The following MYH2 variants were observed in gnomAD, a reference collection of about 807,000 sequenced individuals.
MYH2 encodes myosin heavy chain 2, also known as myosin-2.
In MYH2, 139 loss-of-function variants were observed where a neutral mutation model predicts 228.1. That is an observed-to-expected ratio of 0.61 (90% CI 0.53 to 0.70). The LOEUF (loss-of-function observed/expected upper bound fraction) is 0.70. Ranked by LOEUF, MYH2 falls within the 30% of genes least tolerant of loss-of-function variation. The pLI is 0.00. For synonymous variants in MYH2, 796 were observed against 871.1 expected, an observed-to-expected ratio of 0.91 and a Z score of 1.52; for missense variants, 1,809 against 2,357.5, an observed-to-expected ratio of 0.77 and a Z score of 4.82.
chr17:10,539,822 T>C, intron 12 of MYH2, 106 bp downstream of exon 12: 1 of 1,510,640 alleles, frequency 6.6e-7, no homozygotes, highest in South Asian at 1.1e-5. Context: ...CTTTAAAACT[T>C]AATTCTTAAA....
Position 10,539,578 on chromosome 17 carries a change from A to G in MYH2, c.1148-16T>C. ...TTGTCAGCAACTAAAAAGAAGAAAG[A>G]GTAGAACAATGTTATTGTGGCCCAA... On this transcript the variant is annotated splice_polypyrimidine_tract_variant and intron_variant, in intron 12 of 39. Coordinates refer to ENST00000245503, the MANE Select transcript of MYH2 (RefSeq NM_017534.6). The G allele has an allele frequency of 2.5e-6, 4 of 1,600,676 alleles. No homozygotes were observed. The highest frequency in any genetic ancestry group is 3.4e-6 in the Non-Finnish European group (4 of 1,167,866).
intron 12 of MYH2, 40 bp from the exon 13 acceptor site, chr17:10,539,602 A>G: frequency 6.4e-7 from 1 of 1,552,764 alleles, no homozygotes; most frequent in South Asian, 1.1e-5. Context: ...ATTGTGGCCC[A>G]AAGAAACCCA....
intron 21 of MYH2, 82 bp from the exon 22 acceptor site, chr17:10,531,970 C>T (rs1385397169): frequency 6.5e-7 from 1 of 1,543,828 alleles, no homozygotes; most frequent in East Asian, 2.2e-5. Context: ...GGAGGTTCTG[C>T]TTCACCTTGT....
chr17:10,535,339 G>A lies in MYH2; in HGVS notation c.2001C>T (p.Asn667=), dbSNP rs1177937326. 5 of 1,614,054 alleles carry A rather than the reference G, an allele frequency of 3.1e-6. No individual in the cohort carries two copies. Among genetic ancestry groups the A allele is most frequent in the African/African-American group, 1.3e-5 (1 of 74,922 alleles). ...CAAAGTGAGGATGGGTACTCCTGAG[G>A]TTGGTCATCAGCTTGTTCAAATTCT... The part of the protein sequence containing the change: ...FRENLNKLMT[N]LRSTHPHFVR... The change falls in exon 18 of 40, where the codon AAC becomes AAT. Residue 667 remains asparagine, a synonymous_variant. Coordinates refer to ENST00000245503, the MANE Select transcript of MYH2 (RefSeq NM_017534.6).
rs2073346926 is a variant in MYH2 at position 10,525,920 on chromosome 17, T to C, written c.4188-44A>G. ...TTTCAGAGAGAAGTGAACCATAATA[T>C]GAATTATGAGCTATTGCCACACACG... On this transcript the variant is annotated intron_variant, in intron 30 of 39. Transcript: ENST00000245503. The surrounding 1 kb of genome is among the most constrained non-coding windows in gnomAD (Gnocchi z 4.2). 2.5e-6 allele frequency: 4 copies of C among 1,593,260 alleles called. No homozygotes were observed. Among genetic ancestry groups the C allele is most frequent in the Non-Finnish European group, 3.4e-6 (4 of 1,162,562 alleles).
chr17:10,534,527 T>C (rs1316379605), intron 19 of MYH2, among the ~76,000 whole-genome samples: 1 of 152,248 alleles, frequency 6.6e-6, no homozygotes, highest in Non-Finnish European at 1.5e-5. Flanking sequence ...TTAATTATTA[T>C]TGGAGTTAAC....
intron 19 of MYH2, 147 bp from the exon 20 acceptor site, chr17:10,533,779 A>G (rs2073452274): frequency 1.1e-5 from 13 of 1,176,398 alleles, no homozygotes; most frequent in South Asian, 4.5e-5. Flanking sequence ...TGAATGGTCA[A>G]CCCTTTGGCA....
chr17:10,539,163 G>T (rs749075804), intron 14 of MYH2, 42 bp downstream of exon 14: 1 of 1,613,436 alleles, frequency 6.2e-7, no homozygotes, highest in Admixed American at 1.7e-5. Flanking sequence ...TATTTCCATT[G>T]CCTTACTGTA....
intron 10 of MYH2, among the ~76,000 whole-genome samples, chr17:10,541,067 C>G (rs2073547271): frequency 6.6e-6 from 1 of 152,066 alleles, no homozygotes; most frequent in African/African-American, 2.4e-5. Context: ...GCCTCAGGAC[C>G]CTGTGATGAC....
In MYH2 at chr17:10,526,754, G is replaced by A. The variant is rs1042074; in HGVS notation, c.4032C>T (p.His1344=). Residue 1344 remains histidine, a synonymous_variant, in exon 30 of 40, where the codon CAC becomes CAT. Transcript: ENST00000245503. ...ACTGTTCCCGCAGCAGGTCACAGTCGTGGCGGGAAGACTGCAGGGCATGCG... is the reference window on the plus strand; with the variant it reads ...ACTGTTCCCGCAGCAGGTCACAGTCATGGCGGGAAGACTGCAGGGCATGCG... The part of the protein sequence containing the change: ...ALAHALQSSR[H]DCDLLREQYE... 5.0e-5 allele frequency: 80 copies of A among 1,614,096 alleles called. No homozygotes were observed. Among genetic ancestry groups the A allele is most frequent in the Middle Eastern group, 1.6e-4 (1 of 6,084 alleles).
chr17:10,533,479 T>C (rs1447092569), intron 20 of MYH2, 30 bp downstream of exon 20: 2 of 1,614,176 alleles, frequency 1.2e-6, no homozygotes, highest in Non-Finnish European at 1.7e-6. Context: ...GGGACAGGAA[T>C]AGCATCAGGT....
Position 10,533,371 on chromosome 17 carries a change from G to T in MYH2, c.2355C>A (p.Asp785Glu), listed in dbSNP as rs1392938142. The T allele has an allele frequency of 6.2e-7, 1 of 1,614,204 alleles. No individual in the cohort carries two copies. The highest frequency in any genetic ancestry group is 1.7e-5 in the Admixed American group (1 of 60,028). ...LLGLLEEMRD[D>E]KLAQLITRTQ... ...TTCGGGTAATCAGCTGGGCCAGCTT[G>T]TCATCTCGCATCTCCTCTAGGAGCC... is the stretch of plus-strand genomic sequence containing the variant. Residue 785 changes from aspartate (D) to glutamate (E), a missense_variant, in exon 21 of 40, where the codon GAC becomes GAA. Asp to Glu is a conservative substitution (Grantham distance 45). Coordinates refer to ENST00000245503, the MANE Select transcript of MYH2 (RefSeq NM_017534.6).
chr17:10,524,683 C>T lies in MYH2; in HGVS notation c.4972-14G>A, dbSNP rs961216863. The T allele has an allele frequency of 6.2e-7, 1 of 1,614,234 alleles. No homozygotes were observed. The highest frequency in any genetic ancestry group is 8.5e-7 in the Non-Finnish European group (1 of 1,180,046). On this transcript the variant is annotated splice_polypyrimidine_tract_variant and intron_variant, in intron 34 of 39. Coordinates refer to ENST00000245503, the MANE Select transcript of MYH2 (RefSeq NM_017534.6). This position sits in a 1 kb window ranked among gnomAD's most constrained non-coding sequence, Gnocchi z 4.7. ...GATCTGGGTATCCTGTGAAACAAAC[C>T]ATCATTGAGACATCATGTTCTCAGG...
intron 17 of MYH2, among the ~76,000 whole-genome samples, chr17:10,535,668 G>A (rs563316342): frequency 2.6e-5 from 4 of 152,206 alleles, no homozygotes; most frequent in East Asian, 3.9e-4. Context: ...CATTTACAAG[G>A]CCATTGCCTT....
intron 14 of MYH2, among the ~76,000 whole-genome samples, chr17:10,538,610 A>G (rs1182886808): frequency 6.6e-6 from 1 of 150,666 alleles, no homozygotes. Flanking sequence ...ACGCCATTGC[A>G]CTCCAGCCTG....
At chr17:10,539,712 T>C (rs756013361) in intron 12 of MYH2, 150 bp from the exon 13 acceptor site, 649 of 1,172,534 alleles carry the variant, frequency 5.5e-4, no homozygotes, top group Non-Finnish European at 7.4e-4. Context: ...GTTCAAGTTT[T>C]TGATTATGGG....
At position 10,537,795 on chromosome 17, in the gene MYH2, T is replaced by A; in HGVS notation, c.1457A>T (p.Glu486Val). The change falls in exon 15 of 40, where the codon GAG (glutamate) becomes GTG (valine). Residue 486 changes from glutamate (E) to valine (V), a missense_variant. By Grantham distance (121) the Glu-to-Val change is moderately radical. Transcript: ENST00000245503. This position sits in a 1 kb window ranked among gnomAD's most constrained non-coding sequence, Gnocchi z 4.0. ...GTGGTTGAAAAACTGTTGCAGTTTC[T>A]CATTGGTGAAGTTGATGCACAGCTG... ...LEQLCINFTN[E>V]KLQQFFNHHM... 1.2e-6 allele frequency: 2 copies of A among 1,614,220 alleles called. No individual in the cohort carries two copies. The highest frequency in any genetic ancestry group is 1.7e-6 in the Non-Finnish European group (2 of 1,180,044).
intron 11 of MYH2, 27 bp from the exon 12 acceptor site, chr17:10,540,093 G>T (rs770241682): frequency 3.1e-6 from 5 of 1,613,602 alleles, no homozygotes; most frequent in Middle Eastern, 3.3e-4. Flanking sequence ...TAGGATAGCT[G>T]TTAGGTTGTG....
At chr17:10,522,999 A>G in intron 39 of MYH2, 91 bp downstream of exon 39, 2 of 841,636 alleles carry the variant, frequency 2.4e-6, no homozygotes, top group South Asian at 2.8e-5. Flanking sequence ...ATATGCATGC[A>G]GTAGTCTTTA....
Sources: gnomAD v4.1 joint callset for allele counts (sites outside exome capture counted in the v4.1 genomes callset) on GRCh38, gnomAD v4.1.1 for gene constraint, Gnocchi (gnomAD v3.1) non-coding constraint, MANE v1.5 for transcripts, NCBI Gene and HGNC (gene_info 2026-07-23, HGNC 2026-07-21) for gene names.